TMEM108: variants seen among roughly 807,000 people sequenced by gnomAD.
TMEM108 encodes the protein cancer/testis antigen 124.
In TMEM108, 12 loss-of-function variants were observed where a neutral mutation model predicts 35.1. The observed-to-expected ratio is 0.34, with a 90% CI of 0.22 to 0.55. The LOEUF is 0.55. Among genes scored for constraint, TMEM108 ranks in the 20% least tolerant of loss-of-function variants. The pLI is 0.89. For synonymous variants in TMEM108, 287 were observed against 308.6 expected, an observed-to-expected ratio of 0.93 and a Z score of 0.73; for missense variants, 680 against 753.3, an observed-to-expected ratio of 0.90 and a Z score of 1.14.
At chr3:133,392,108 C>T (rs979752264) in intron 5 of TMEM108, among the ~76,000 whole-genome samples, 3 of 151,874 alleles carry the variant, frequency 2.0e-5, no homozygotes, top group Non-Finnish European at 2.9e-5. Context: ...TTCACTGGAG[C>T]GCCCCATCTC....
At chr3:133,106,858 AC>A (rs781034990) in intron 2 of TMEM108, among the ~76,000 whole-genome samples, 16 of 152,122 alleles carry the variant, frequency 1.1e-4, no homozygotes, top group Non-Finnish European at 2.2e-4. Flanking sequence ...AGCGAGAACC[AC>A]CCCAGTTAAG....
chr3:133,272,526 C>T (rs1014302540), intron 3 of TMEM108, among the ~76,000 whole-genome samples: 4 of 151,964 alleles, frequency 2.6e-5, no homozygotes, highest in South Asian at 2.1e-4. Flanking sequence ...CAGCTAACCA[C>T]GGGCAGAGCC....
chr3:133,336,024 C>A (rs1247544887), intron 3 of TMEM108, among the ~76,000 whole-genome samples: 1 of 152,162 alleles, frequency 6.6e-6, no homozygotes, highest in African/African-American at 2.4e-5. Context: ...CCAGCCCTAG[C>A]CAGAGAGGAA....
chr3:133,330,228 T>C (rs2071379534), intron 3 of TMEM108, among the ~76,000 whole-genome samples: 1 of 152,192 alleles, frequency 6.6e-6, no homozygotes, highest in South Asian at 2.1e-4. Context: ...AAGCCTGTGG[T>C]GCAGTAGCTG....
intron 3 of TMEM108, among the ~76,000 whole-genome samples, chr3:133,304,076 A>C (rs1465052613): frequency 1.3e-5 from 2 of 152,228 alleles, no homozygotes; most frequent in Non-Finnish European, 2.9e-5. Context: ...AATGGGAATA[A>C]TTCTCAATTT....
chr3:133,351,719 G>C (rs2072003885), intron 3 of TMEM108, among the ~76,000 whole-genome samples: 1 of 152,176 alleles, frequency 6.6e-6, no homozygotes, highest in Admixed American at 6.5e-5. Flanking sequence ...GATGAGGAAA[G>C]TGAGGCACAA....
chr3:133,260,691 T>C (rs33998360), intron 3 of TMEM108, among the ~76,000 whole-genome samples: 19,260 of 152,190 alleles, frequency 0.13, 1,351 homozygotes, highest in South Asian at 0.23. Flanking sequence ...AATAACATGA[T>C]ATTCTTTATG....
chr3:133,363,221 C>T (rs1450040708), intron 3 of TMEM108, among the ~76,000 whole-genome samples: 1 of 152,084 alleles, frequency 6.6e-6, no homozygotes, highest in Admixed American at 6.5e-5. Context: ...TGGTCAGATC[C>T]GAATCACCTG....
chr3:133,278,424 G>A (rs1946867089), intron 3 of TMEM108, among the ~76,000 whole-genome samples: 1 of 152,156 alleles, frequency 6.6e-6, no homozygotes, highest in Non-Finnish European at 1.5e-5. Flanking sequence ...CTTCACAACA[G>A]GATATGTTCT....
chr3:133,109,657 TTGTAAC>T (rs1239833037), intron 2 of TMEM108, among the ~76,000 whole-genome samples: 1 of 152,202 alleles, frequency 6.6e-6, no homozygotes, highest in Non-Finnish European at 1.5e-5. Context: ...GAGTGTTCCT[TTGTAAC>T]TGTAAGAAAT....
chr3:133,336,372 T>A (rs2071503331), intron 3 of TMEM108, among the ~76,000 whole-genome samples: 1 of 152,064 alleles, frequency 6.6e-6, no homozygotes, highest in Non-Finnish European at 1.5e-5. Context: ...TTAAGAGAAC[T>A]TTGTTTTGCC....
At chr3:133,284,744 C>T (rs1032331623) in intron 3 of TMEM108, among the ~76,000 whole-genome samples, 1 of 152,162 alleles carries the variant, frequency 6.6e-6, no homozygotes, top group African/African-American at 2.4e-5. Flanking sequence ...CAAACCATCC[C>T]GGATTAATGA....
chr3:133,361,236 G>C (rs1230484584), intron 3 of TMEM108, among the ~76,000 whole-genome samples: 5 of 152,252 alleles, frequency 3.3e-5, no homozygotes, highest in Admixed American at 2.0e-4. Context: ...ACATGCATTA[G>C]AGTGTGGCCA....
intron 3 of TMEM108, among the ~76,000 whole-genome samples, chr3:133,343,591 A>G (rs1261778846): frequency 6.6e-6 from 1 of 151,904 alleles, no homozygotes; most frequent in Non-Finnish European, 1.5e-5. Flanking sequence ...ATAAATCTTA[A>G]GTAGATTTTG....
At chr3:133,175,357 T>C (rs1290909329) in intron 2 of TMEM108, among the ~76,000 whole-genome samples, 2 of 152,004 alleles carry the variant, frequency 1.3e-5, no homozygotes, top group African/African-American at 4.8e-5. Flanking sequence ...CAAAAGCATC[T>C]CCAAGACACA....
intron 2 of TMEM108, among the ~76,000 whole-genome samples, chr3:133,123,367 T>C (rs987287546): frequency 6.6e-6 from 1 of 152,240 alleles, no homozygotes; most frequent in African/African-American, 2.4e-5. Context: ...AGGGAATTAC[T>C]GGTAAAAGAG....
intron 2 of TMEM108, among the ~76,000 whole-genome samples, chr3:133,179,145 G>A (rs1438616560): frequency 2.0e-5 from 3 of 151,114 alleles, no homozygotes; most frequent in Admixed American, 2.0e-4. Context: ...TCATTAAAAA[G>A]TCAGGAAACA....
chr3:133,337,135 C>T (rs1233114775), intron 3 of TMEM108, among the ~76,000 whole-genome samples: 1 of 152,056 alleles, frequency 6.6e-6, no homozygotes, highest in East Asian at 1.9e-4. Context: ...AACTTGCTGC[C>T]CAGAAGGAAA....
chr3:133,177,161 G>C (rs1001024784), intron 2 of TMEM108, among the ~76,000 whole-genome samples: 1 of 152,180 alleles, frequency 6.6e-6, no homozygotes, highest in Admixed American at 6.6e-5. Flanking sequence ...CTCTGAAATT[G>C]AGGCAATAAT....
Sources: gnomAD v4.1 joint callset for allele counts (sites outside exome capture counted in the v4.1 genomes callset) on GRCh38, gnomAD v4.1.1 for gene constraint, MANE v1.5 for transcripts, NCBI Gene and HGNC (gene_info 2026-07-23, HGNC 2026-07-21) for gene names.